MGARP: variants seen among roughly 807,000 people sequenced by gnomAD.
MGARP encodes the protein mitochondria localized glutamic acid rich protein.
Under a neutral mutation model 11.0 loss-of-function variants are expected in MGARP, and 12 were observed. That is an observed-to-expected ratio of 1.09 (90% CI 0.70 to 1.77). The LOEUF is 1.77. MGARP is among the 40% of genes most tolerant of loss of function. MGARP has a pLI of 0.00. For missense variants in MGARP, 283 were observed against 297.8 expected, an observed-to-expected ratio of 0.95 and a Z score of 0.36; for synonymous variants, 110 against 115.4, an observed-to-expected ratio of 0.95 and a Z score of 0.30.
rs532863293 is a variant in MGARP, at chr4:139,270,310, A to G, written c.187-1545T>C. Among the ~76,000 whole-genome samples the G allele has an allele frequency of 2.2e-3, 333 of 150,984 alleles. 2 individuals are homozygous for G. Among genetic ancestry groups the G allele is most frequent in the African/African-American group, 7.9e-3 (324 of 41,140 alleles). The stretch of plus-strand genomic sequence containing the variant: ...GGAAACTCCGTCTCAAAAAAAAAAA[A>G]AAAAGAAAGAAAGAAAAGAAAAGAA... On this transcript the variant is annotated intron_variant, in intron 2 of 3. Coordinates refer to ENST00000398955, the MANE Select transcript of MGARP (RefSeq NM_032623.4).
chr4:139,270,851 A>G (rs1389237264), intron 2 of MGARP, among the ~76,000 whole-genome samples: 2 of 152,190 alleles, frequency 1.3e-5, no homozygotes, highest in Non-Finnish European at 2.9e-5. Context: ...ATGATAAGTC[A>G]GTATCCCCAG....
At chr4:139,270,900 T>C (rs1176041792) in intron 2 of MGARP, among the ~76,000 whole-genome samples, 1 of 152,144 alleles carries the variant, frequency 6.6e-6, no homozygotes, top group Non-Finnish European at 1.5e-5. Flanking sequence ...CAAGTTCACA[T>C]CCCTGAAAGG....
chr4:139,269,039 G>T (rs1314720205), intron 2 of MGARP, among the ~76,000 whole-genome samples: 2 of 152,164 alleles, frequency 1.3e-5, no homozygotes, highest in African/African-American at 4.8e-5. Context: ...TATTACCTGG[G>T]TGACAAATCA....
chr4:139,266,540 C>A lies in MGARP; in HGVS notation c.*59G>T. 2.1e-6 allele frequency: 3 copies of A among 1,439,778 alleles called. No individual in the cohort carries two copies. The highest frequency in any genetic ancestry group is 1.4e-5 in the African/African-American group (1 of 69,720). 89.2% of individuals were successfully genotyped at this position (1,439,778 alleles called of 1,614,324 possible). On this transcript the variant is annotated 3_prime_UTR_variant, in exon 4 of 4. Transcript: ENST00000398955. ...TTTTAAACTAAGTGTACTAAAAACA[C>A]AAAAGCACTTATCAGACACCCTATG... is the stretch of plus-strand genomic sequence containing the variant.
chr4:139,280,015 C>A, intron 1 of MGARP, 62 bp downstream of exon 1: 1 of 1,573,676 alleles, frequency 6.4e-7, no homozygotes, highest in South Asian at 1.1e-5. Context: ...GGTTCCCTGG[C>A]GCGGGCGAAA....
At chr4:139,279,183 C>T (rs1407305820) in intron 1 of MGARP, among the ~76,000 whole-genome samples, 1 of 152,178 alleles carries the variant, frequency 6.6e-6, no homozygotes, top group African/African-American at 2.4e-5. Context: ...GGGGCAGAAC[C>T]GCCCTGGAGC....
rs755975260 is a variant in MGARP, at chr4:139,266,560, C to G, written c.*39G>C. On this transcript the variant is annotated 3_prime_UTR_variant, in exon 4 of 4. Coordinates refer to ENST00000398955, the MANE Select transcript of MGARP (RefSeq NM_032623.4). ...AAACACAAAAGCACTTATCAGACACCCTATGGCATTTGTTGCTGAAATGTC... is the reference window on the plus strand; with the variant it reads ...AAACACAAAAGCACTTATCAGACACGCTATGGCATTTGTTGCTGAAATGTC... The G allele has an allele frequency of 2.0e-5, 31 of 1,569,076 alleles. No individual in the cohort carries two copies. Among genetic ancestry groups the G allele is most frequent in the Non-Finnish European group, 2.7e-5 (31 of 1,152,318 alleles).
intron 1 of MGARP, among the ~76,000 whole-genome samples, chr4:139,275,822 T>C (rs1579049673): frequency 6.6e-6 from 1 of 152,340 alleles, no homozygotes. Flanking sequence ...AATTTGTATT[T>C]ATATGTTAAA....
rs549748443 is a variant in MGARP at position 139,280,149 on chromosome 4, G to T, written c.10C>A (p.Arg4Ser). 3 of 1,609,610 alleles carry T rather than the reference G, an allele frequency of 1.9e-6. No homozygotes were observed. The Admixed American group carries it at 5.0e-5, about 27-fold the overall frequency. Residue 4 changes from arginine (R) to serine (S), a missense_variant, in exon 1 of 4, where the codon CGC becomes AGC. Physicochemically the swap from Arg to Ser is moderately radical, Grantham distance 110. Coordinates refer to ENST00000398955, the MANE Select transcript of MGARP (RefSeq NM_032623.4). MYL[R>S]RAVSKTLALP... ...GCCAGAGTCTTGGAGACCGCCCTGC[G>T]GAGATACATCGCGCCCGCTGTCCGC...
Position 139,280,223 on chromosome 4 carries a change from G to A in MGARP, c.-65C>T. The A allele has an allele frequency of 6.7e-7, 1 of 1,486,004 alleles. No individual in the cohort carries two copies. The highest frequency in any genetic ancestry group is 9.0e-7 in the Non-Finnish European group (1 of 1,105,412). The allele number at this position is 1,486,004 out of a possible 1,614,324, so 92.1% of individuals were successfully genotyped here. ...GCGCAGGCTGCCCTTCCACAGAGAG[G>A]CTGAGAGCCTGGCAGCGCCCCGCCC... On this transcript the variant is annotated 5_prime_UTR_variant, in exon 1 of 4. Transcript: ENST00000398955.
chr4:139,272,525 C>G (rs1400807929), intron 2 of MGARP, among the ~76,000 whole-genome samples: 5 of 142,506 alleles, frequency 3.5e-5, no homozygotes, highest in Admixed American at 7.1e-5. Flanking sequence ...CATCACTGCA[C>G]TCCAGCCTGG....
chr4:139,279,980 G>A (rs1744932260), intron 1 of MGARP, 97 bp downstream of exon 1: 3 of 1,263,110 alleles, frequency 2.4e-6, no homozygotes, highest in Middle Eastern at 1.8e-4. Flanking sequence ...GCTCTGGGTC[G>A]GGTTTGGCCA....
intron 1 of MGARP, among the ~76,000 whole-genome samples, chr4:139,277,856 A>C (rs984849088): frequency 6.6e-6 from 1 of 152,218 alleles, no homozygotes; most frequent in African/African-American, 2.4e-5. Context: ...GTAGGATTAC[A>C]GGTGAATTCC....
At chr4:139,268,611 G>A in intron 3 of MGARP, 61 bp downstream of exon 3, 1 of 1,181,244 alleles carries the variant, frequency 8.5e-7, no homozygotes, top group Admixed American at 2.1e-5. Flanking sequence ...GCTAGACTAA[G>A]TGGATGGAAA....
chr4:139,268,758 T>C lies in MGARP; in HGVS notation c.194A>G (p.Lys65Arg), dbSNP rs577494451. ...TVSAGGYYAY[K>R]TVTSDQAKHT... ...TTTGGCTTGGTCTGATGTGACTGTCTTGTAAGCCTGAAAGTAAATGTATGC... is the reference window on the plus strand; with the variant it reads ...TTTGGCTTGGTCTGATGTGACTGTCCTGTAAGCCTGAAAGTAAATGTATGC... Residue 65 changes from lysine to arginine, a missense_variant, in exon 3 of 4, where the codon AAG (lysine) becomes AGG (arginine). By Grantham distance (26) the Lys-to-Arg change is conservative. Coordinates refer to ENST00000398955, the MANE Select transcript of MGARP (RefSeq NM_032623.4). The C allele has an allele frequency of 2.5e-6, 4 of 1,604,440 alleles. No individual in the cohort carries two copies. Among genetic ancestry groups the C allele is most frequent in the African/African-American group, 1.3e-5 (1 of 74,434 alleles).
At chr4:139,270,534 A>G (rs1043961163) in intron 2 of MGARP, among the ~76,000 whole-genome samples, 4 of 145,694 alleles carry the variant, frequency 2.7e-5, no homozygotes, top group East Asian at 2.2e-4. Flanking sequence ...GCGTGAACCC[A>G]GGAGGTGGAG....
chr4:139,275,492 A>C, intron 1 of MGARP, 100 bp from the exon 2 acceptor site: 1 of 807,228 alleles, frequency 1.2e-6, no homozygotes, highest in Non-Finnish European at 2.0e-6. Flanking sequence ...TGAACCTAGA[A>C]TCTATTAACA....
chr4:139,272,464 C>G (rs994199375), intron 2 of MGARP, among the ~76,000 whole-genome samples: 3 of 147,736 alleles, frequency 2.0e-5, no homozygotes, highest in African/African-American at 7.5e-5. Flanking sequence ...GAGGCTGAGG[C>G]AGGAGAATGG....
At position 139,268,412 on chromosome 4, in the gene MGARP, C is replaced by T. The variant is rs375297410; in HGVS notation, c.280+260G>A. On this transcript the variant is annotated intron_variant, in intron 3 of 3. Coordinates refer to ENST00000398955, the MANE Select transcript of MGARP (RefSeq NM_032623.4). ...CCTGAGCAGGGGAAAATAATATTAC[C>T]ACACAAAGGAGTCAAAAGTCACTGG... Among the ~76,000 whole-genome samples the T allele has an allele frequency of 7.2e-5, 11 of 152,248 alleles. No homozygotes were observed. In the East Asian group the frequency reaches 1.9e-3, roughly 27 times the overall value.
Sources: gnomAD v4.1 joint callset for allele counts (sites outside exome capture counted in the v4.1 genomes callset) on GRCh38, gnomAD v4.1.1 for gene constraint, MANE v1.5 for transcripts, NCBI Gene and HGNC (gene_info 2026-07-23, HGNC 2026-07-21) for gene names.